The following PAX2 variants were observed in gnomAD, a reference collection of about 807,000 sequenced individuals.
PAX2 encodes the protein paired box protein Pax-2.
A neutral mutation model predicts 41.7 loss-of-function variants in PAX2; 9 were observed. The ratio of observed to expected loss-of-function variants is 0.22; its 90% CI spans 0.13 to 0.38. The LOEUF is 0.38. PAX2 is among the 10% of genes least tolerant of loss of function. The pLI is 1.00. For synonymous variants in PAX2, 221 were observed against 212.7 expected (o/e 1.04, Z -0.34); for missense variants, 418 against 531.6 (o/e 0.79, Z 2.10).
intron 4 of PAX2, among the ~76,000 whole-genome samples, chr10:100,779,885 T>G (rs961012910): frequency 6.6e-6 from 1 of 152,090 alleles, no homozygotes; most frequent in Non-Finnish European, 1.5e-5. Flanking sequence ...CTTTTTCTTC[T>G]TCTCCTCCTC....
At chr10:100,809,282 G>A (rs866597535) in intron 7 of PAX2, 46 bp downstream of exon 7, 1 of 1,593,584 alleles carries the variant, frequency 6.3e-7, no homozygotes. Flanking sequence ...TCAGTGGAGG[G>A]TGCCTCAGCC....
At chr10:100,788,253 G>A (rs1589856783) in intron 5 of PAX2, among the ~76,000 whole-genome samples, 1 of 152,182 alleles carries the variant, frequency 6.6e-6, no homozygotes, top group Non-Finnish European at 1.5e-5. Context: ...CTCTGCTCCT[G>A]GCCGCCCGCG....
At position 100,827,014 on chromosome 10, in the gene PAX2, G is replaced by A; in HGVS notation, c.1027G>A (p.Glu343Lys). 4 of 1,612,870 alleles carry A rather than the reference G, an allele frequency of 2.5e-6. No individual in the cohort carries two copies. Among genetic ancestry groups the A allele is most frequent in the Non-Finnish European group, 3.4e-6 (4 of 1,178,920 alleles). ...STLAGMVPGS[E>K]FSGNPYSHPQ... is the part of the protein sequence containing the mutation. ...ACTCCCCGACCCTCCCGCAGGGAGC[G>A]AGTTCTCCGGCAACCCGTACAGCCA... is the stretch of plus-strand genomic sequence containing the variant. Residue 343 changes from glutamate (E) to lysine (K), a missense_variant, in exon 9 of 10, where the codon GAG becomes AAG. Physicochemically the swap from Glu to Lys is moderately conservative, Grantham distance 56 (BLOSUM62 1). Transcript: ENST00000355243. The surrounding 1 kb of genome is among the most constrained non-coding windows in gnomAD (Gnocchi z 8.5).
At chr10:100,777,097 A>ATTTTTTTTTTTTTTTTTTTTTTTTTTT (rs532321832) in intron 3 of PAX2, among the ~76,000 whole-genome samples, 1 of 122,376 alleles carries the variant, frequency 8.2e-6, no homozygotes. Context: ...TGGTACTGTG[A>ATTTTTTTTTTTTTTTTTTTTTTTTTTT]TTTTTTTTTT....
chr10:100,767,346 C>T (rs1218970393), intron 3 of PAX2, among the ~76,000 whole-genome samples: 1 of 152,222 alleles, frequency 6.6e-6, no homozygotes, highest in Non-Finnish European at 1.5e-5. Context: ...AGACCATCAC[C>T]TCTAATAAGG....
upstream of PAX2, among the ~76,000 whole-genome samples, chr10:100,743,597 T>A (rs1183890925): frequency 6.6e-6 from 1 of 152,170 alleles, no homozygotes; most frequent in Non-Finnish European, 1.5e-5. Flanking sequence ...GTTAATTACT[T>A]CCCAGAGGGG....
intron 3 of PAX2, among the ~76,000 whole-genome samples, chr10:100,764,101 G>C (rs1286118155): frequency 6.8e-6 from 1 of 146,754 alleles, no homozygotes; most frequent in African/African-American, 2.5e-5. Context: ...ATTTCAGTGT[G>C]TATGCATTCT....
chr10:100,739,414 C>T (rs565121875), intron 1 of PAX2, among the ~76,000 whole-genome samples: 2 of 152,358 alleles, frequency 1.3e-5, no homozygotes, highest in Non-Finnish European at 2.9e-5. Context: ...CACATCCACA[C>T]AGCTGCTGGG....
chr10:100,748,947 C>T lies in PAX2; in HGVS notation c.44-799C>T. The T allele has an allele frequency of 2.0e-6, 2 of 985,374 alleles. No homozygotes were observed. The highest frequency in any genetic ancestry group is 2.4e-6 in the Non-Finnish European group (2 of 829,902). 61.0% of individuals were successfully genotyped at this position (985,374 alleles called of 1,614,324 possible). A position where few individuals can be genotyped will look rare whatever the true frequency, so the allele number is the denominator to read the frequency against. On this transcript the variant is annotated intron_variant, in intron 1 of 9. Transcript: ENST00000355243. The surrounding 1 kb of genome is among the most constrained non-coding windows in gnomAD (Gnocchi z 5.0). ...GGCTCTGCGAGGCGCGGCAGGCAGG[C>T]GAGCCCAAGCAGCCGGCATTCTCTG...
At chr10:100,756,205 G>T (rs1422733493) in intron 3 of PAX2, among the ~76,000 whole-genome samples, 1 of 152,102 alleles carries the variant, frequency 6.6e-6, no homozygotes, top group Non-Finnish European at 1.5e-5. Flanking sequence ...CTGAAAAGGG[G>T]GTTCCTATGA....
In PAX2 at chr10:100,746,026, G is replaced by C; in HGVS notation, c.-235G>C. 1.4e-6 allele frequency: 2 copies of C among 1,420,834 alleles called. No individual in the cohort carries two copies. The highest frequency in any genetic ancestry group is 9.1e-7 in the Non-Finnish European group (1 of 1,094,444). 88.0% of individuals were successfully genotyped at this position (1,420,834 alleles called of 1,614,324 possible). A position where few individuals can be genotyped will look rare whatever the true frequency, so the allele number is the denominator to read the frequency against. On this transcript the variant is annotated 5_prime_UTR_variant, in exon 1 of 10. Coordinates refer to ENST00000355243, the MANE Select transcript of PAX2 (RefSeq NM_000278.5). Reference sequence around the variant, plus strand: ...GCCATTCTGCTGACCGCCCAGCCCCGAGCCCCGACAGTGGCAAGTTGCGGC... The same window carrying C: ...GCCATTCTGCTGACCGCCCAGCCCCCAGCCCCGACAGTGGCAAGTTGCGGC...
intron 5 of PAX2, among the ~76,000 whole-genome samples, chr10:100,801,611 T>A (rs1346569569): frequency 1.3e-5 from 2 of 152,178 alleles, no homozygotes; most frequent in Admixed American, 6.5e-5. Context: ...TATGGTAACA[T>A]GAAAAATTTG....
intron 5 of PAX2, among the ~76,000 whole-genome samples, chr10:100,797,276 A>G (rs1358251182): frequency 6.6e-6 from 1 of 152,228 alleles, no homozygotes; most frequent in Admixed American, 6.5e-5. Flanking sequence ...TCTGCCACTT[A>G]TTGGCTATCA....
chr10:100,777,398 C>CTTTTTTTTTTTTTTTT lies in PAX2; in HGVS notation c.411-2086_411-2085insTTTTTTTTTTTTTTTT, dbSNP rs56136871. ...ACAGGCATGAGCCACCGCATCTGGC[C>CTTTTTTTTTTTTTTTT]TTTTTTTTTTTTTTGAGATGGAGTC... On this transcript the variant is annotated intron_variant, in intron 3 of 9. Transcript: ENST00000355243. Among the ~76,000 whole-genome samples, 10 of 121,934 alleles carry CTTTTTTTTTTTTTTTT rather than the reference C, an allele frequency of 8.2e-5. 1 individual carries two copies. The highest frequency in any genetic ancestry group is 1.2e-4 in the African/African-American group (4 of 32,428). The allele number at this position is 121,934 out of a possible 152,430, so 80.0% of individuals were successfully genotyped here.
At chr10:100,744,155 G>GC (rs1845060682), upstream of PAX2, among the ~76,000 whole-genome samples, 1 of 152,230 alleles carries the variant, frequency 6.6e-6, no homozygotes, top group South Asian at 2.1e-4. Context: ...CATGGTATCT[G>GC]CCGCCCAGGC....
At chr10:100,771,609 A>G (rs1446038180) in intron 3 of PAX2, among the ~76,000 whole-genome samples, 1 of 152,142 alleles carries the variant, frequency 6.6e-6, no homozygotes, top group Non-Finnish European at 1.5e-5. Context: ...CATTTCCAGG[A>G]GAGGTAAACA....
intron 7 of PAX2, among the ~76,000 whole-genome samples, chr10:100,815,254 A>G (rs1290170426): frequency 6.6e-6 from 1 of 152,144 alleles, no homozygotes; most frequent in Non-Finnish European, 1.5e-5. Flanking sequence ...AAGACTGAGA[A>G]ATGTTTCTCA....
In PAX2 at chr10:100,747,881, C is replaced by CT. The variant is rs34475005; in HGVS notation, c.43+1584dup. ...GCCCGCTGCCACAGCTCTCGTTCTC[C>CT]TTTTTTGCGGATTCCGCCGGGGGTC... On this transcript the variant is annotated intron_variant, in intron 1 of 9. Coordinates refer to ENST00000355243, the MANE Select transcript of PAX2 (RefSeq NM_000278.5). 13 of 984,444 alleles carry CT rather than the reference C, an allele frequency of 1.3e-5. No individual in the cohort carries two copies. The African/African-American group carries it at 1.4e-4, about 11-fold the overall frequency. 61.0% of individuals were successfully genotyped at this position (984,444 alleles called of 1,614,324 possible).
At chr10:100,739,242 C>G (rs1347284549) in intron 1 of PAX2, among the ~76,000 whole-genome samples, 1 of 152,194 alleles carries the variant, frequency 6.6e-6, no homozygotes, top group Admixed American at 6.5e-5. Context: ...GCCAGCCGCT[C>G]TCGCCCCTGG....
Sources: gnomAD v4.1 joint callset for allele counts (sites outside exome capture counted in the v4.1 genomes callset) on GRCh38, gnomAD v4.1.1 for gene constraint, Gnocchi (gnomAD v3.1) non-coding constraint, MANE v1.5 for transcripts, NCBI Gene and HGNC (gene_info 2026-07-23, HGNC 2026-07-21) for gene names.